The following SULF1 variants were observed in gnomAD, a reference collection of about 807,000 sequenced individuals.
SULF1 encodes extracellular sulfatase Sulf-1.
A neutral mutation model predicts 110.5 loss-of-function variants in SULF1; 46 were observed. That is an observed-to-expected ratio of 0.42 (90% CI 0.33 to 0.53). SULF1 has a LOEUF of 0.53. Ranked by LOEUF, SULF1 falls within the 20% of genes least tolerant of loss-of-function variation. The probability of loss-of-function intolerance (pLI) is 0.12; values close to 1 mark genes in which losing one functional copy is unlikely to be tolerated. For missense variants in SULF1, 941 were observed against 1,094.2 expected (o/e 0.86, Z 1.98); for synonymous variants, 371 against 387.1 (o/e 0.96, Z 0.49).
At chr8:69,643,240 C>T (rs1174146313) in intron 22 of SULF1, among the ~76,000 whole-genome samples, 1 of 152,166 alleles carries the variant, frequency 6.6e-6, no homozygotes, top group Non-Finnish European at 1.5e-5. Flanking sequence ...GCCTTACCTG[C>T]TCCTTGTATC....
chr8:69,630,967 C>T (rs58102292), intron 19 of SULF1, among the ~76,000 whole-genome samples: 2 of 151,438 alleles, frequency 1.3e-5, no homozygotes, highest in African/African-American at 2.4e-5. Flanking sequence ...ATCCCTCCCC[C>T]CTGCCCCCAC....
intron 3 of SULF1, among the ~76,000 whole-genome samples, chr8:69,509,763 A>AC (rs1811432873): frequency 6.6e-6 from 1 of 152,102 alleles, no homozygotes; most frequent in African/African-American, 2.4e-5. Flanking sequence ...TGCCTTTTCT[A>AC]CCCCCAAGCA....
chr8:69,623,832 G>T, intron 14 of SULF1, 110 bp from the exon 15 acceptor site: 1 of 1,312,238 alleles, frequency 7.6e-7, no homozygotes, highest in East Asian at 2.3e-5. Context: ...CAGCAATGCA[G>T]CATGGACTGC....
chr8:69,567,136 G>C (rs959954029), intron 5 of SULF1, among the ~76,000 whole-genome samples: 3 of 152,136 alleles, frequency 2.0e-5, no homozygotes. Context: ...AGAGGGAACA[G>C]AAGCAAAAGA....
intron 3 of SULF1, among the ~76,000 whole-genome samples, chr8:69,511,250 G>T (rs1201757646): frequency 6.6e-6 from 1 of 152,132 alleles, no homozygotes; most frequent in Non-Finnish European, 1.5e-5. Flanking sequence ...TTTTAAACCA[G>T]TTTTTAATTT....
chr8:69,602,444 T>C (rs1807900797), intron 10 of SULF1, among the ~76,000 whole-genome samples: 1 of 152,178 alleles, frequency 6.6e-6, no homozygotes, highest in African/African-American at 2.4e-5. Context: ...GAAAGAATTA[T>C]GGAAAGACTA....
Position 69,656,488 on chromosome 8 carries a change from C to A in SULF1, c.2586-2017C>A, listed in dbSNP as rs147011588. Among the ~76,000 whole-genome samples, 1,088 of 152,294 alleles carry A rather than the reference C, an allele frequency of 7.1e-3. 5 individuals carry two copies. Among genetic ancestry groups the A allele is most frequent in the Non-Finnish European group, 0.012 (847 of 68,022 alleles). On this transcript the variant is annotated intron_variant, in intron 22 of 22. Transcript: ENST00000402687. The stretch of plus-strand genomic sequence containing the variant: ...TCTCTTTCTCCCAACAACCCCACAA[C>A]AAGCCCCAGTGTTAGATAGTTCCCC...
chr8:69,586,780 T>C (rs1806496845), intron 7 of SULF1, among the ~76,000 whole-genome samples: 1 of 152,198 alleles, frequency 6.6e-6, no homozygotes, highest in Non-Finnish European at 1.5e-5. Context: ...TCTCTTATGA[T>C]AATTTTTGTC....
chr8:69,594,251 A>G (rs1351779018), intron 8 of SULF1, among the ~76,000 whole-genome samples: 1 of 152,078 alleles, frequency 6.6e-6, no homozygotes, highest in Non-Finnish European at 1.5e-5. Flanking sequence ...GGTTTTCTCC[A>G]TGTTGTTCAG....
At chr8:69,489,875 G>GAC (rs1394366691), upstream of SULF1, among the ~76,000 whole-genome samples, 1 of 151,936 alleles carries the variant, frequency 6.6e-6, no homozygotes, top group Non-Finnish European at 1.5e-5. Flanking sequence ...ATACTGTCGG[G>GAC]ACACACACAG....
chr8:69,557,134 C>G (rs1035962654), intron 3 of SULF1, among the ~76,000 whole-genome samples: 1 of 152,198 alleles, frequency 6.6e-6, no homozygotes, highest in Admixed American at 6.5e-5. Flanking sequence ...GTATTTCATG[C>G]AAATCCACTT....
intron 19 of SULF1, among the ~76,000 whole-genome samples, chr8:69,632,021 C>T (rs1332700517): frequency 6.6e-6 from 1 of 152,090 alleles, no homozygotes; most frequent in Non-Finnish European, 1.5e-5. Flanking sequence ...TATTCCTGAC[C>T]CAAAGGAATT....
At chr8:69,468,395 AT>A (rs1166029426) in intron 1 of SULF1, among the ~76,000 whole-genome samples, 1 of 152,196 alleles carries the variant, frequency 6.6e-6, no homozygotes, top group African/African-American at 2.4e-5. Flanking sequence ...CATGCAGATA[AT>A]TTTTTTAAAA....
chr8:69,587,218 C>G (rs138838743), intron 7 of SULF1, among the ~76,000 whole-genome samples: 1 of 152,124 alleles, frequency 6.6e-6, no homozygotes, highest in Non-Finnish European at 1.5e-5. Flanking sequence ...AAAATATCTT[C>G]GAATTTAGCA....
intron 3 of SULF1, among the ~76,000 whole-genome samples, chr8:69,562,143 C>A (rs1309332720): frequency 1.3e-5 from 2 of 152,234 alleles, no homozygotes; most frequent in East Asian, 3.8e-4. Context: ...GTCTCTTTCT[C>A]TCTCTTGCAG....
At chr8:69,536,854 C>T (rs1198785498) in intron 3 of SULF1, among the ~76,000 whole-genome samples, 2 of 152,094 alleles carry the variant, frequency 1.3e-5, no homozygotes, top group East Asian at 3.9e-4. Flanking sequence ...CATCGAAAGC[C>T]ATGTTCCTGC....
chr8:69,477,113 T>C (rs1156651823), intron 1 of SULF1, among the ~76,000 whole-genome samples: 9 of 152,156 alleles, frequency 5.9e-5, no homozygotes. Context: ...GTCTTGGAGG[T>C]ACAAAGACTT....
rs1400016648 is a variant in SULF1, at chr8:69,559,178, A to G, written c.-133-4361A>G. ...TTCAGATACTTATAGATATTTTCTG[A>G]TACTACAACAAAACTTGGCAAGTGA... On this transcript the variant is annotated intron_variant, in intron 3 of 22. Transcript: ENST00000402687. Among the ~76,000 whole-genome samples, 3 of 152,222 alleles carry G rather than the reference A, an allele frequency of 2.0e-5. No homozygotes were observed. The East Asian group carries it at 5.8e-4, about 29-fold the overall frequency.
intron 7 of SULF1, among the ~76,000 whole-genome samples, chr8:69,588,503 T>C (rs1471851360): frequency 6.6e-6 from 1 of 152,164 alleles, no homozygotes; most frequent in African/African-American, 2.4e-5. Context: ...CGTGTGTGTG[T>C]GAGCGTGTGT....
Sources: gnomAD v4.1 joint callset for allele counts (sites outside exome capture counted in the v4.1 genomes callset) on GRCh38, gnomAD v4.1.1 for gene constraint, MANE v1.5 for transcripts, NCBI Gene and HGNC (gene_info 2026-07-23, HGNC 2026-07-21) for gene names.